Variants in FYN observed in about 807,000 individuals in gnomAD.
FYN encodes tyrosine-protein kinase Fyn.
FYN carries 10 observed loss-of-function variants against 70.2 expected under a neutral mutation model. The ratio of observed to expected loss-of-function variants is 0.14; its 90% confidence interval spans 0.09 to 0.24. FYN has a LOEUF of 0.24. FYN is among the 10% of genes least tolerant of loss of function. The pLI, the probability that FYN is intolerant of heterozygous loss-of-function variation, is 1.00. For synonymous variants in FYN, 236 were observed against 248.6 expected, an observed-to-expected ratio of 0.95 and a Z score of 0.48; for missense variants, 319 against 673.1, an observed-to-expected ratio of 0.47 and a Z score of 5.82.
At position 111,694,708 on chromosome 6, in the gene FYN, T is replaced by G. The variant is rs776429653; in HGVS notation, c.1043-4A>C. On this transcript the variant is annotated splice_region_variant and splice_polypyrimidine_tract_variant and intron_variant, in intron 10 of 13. Coordinates refer to ENST00000354650, the MANE Select transcript of FYN (RefSeq NM_002037.5). This position sits in a 1 kb window ranked among gnomAD's most constrained non-coding sequence, Gnocchi z 5.0. The stretch of plus-strand genomic sequence containing the variant: ...TTTAAGAAATCCAGTAAACTTCCTA[T>G]GAACAAAACATAAAATCATTTCAAT... The G allele has an allele frequency of 1.2e-6, 2 of 1,604,450 alleles. No homozygotes were observed. The highest frequency in any genetic ancestry group is 1.7e-5 in the Admixed American group (1 of 59,292).
In FYN at chr6:111,692,727, A is replaced by C. The variant is rs552255852; in HGVS notation, c.1273+1648T>G. On this transcript the variant is annotated intron_variant, in intron 12 of 13. Coordinates refer to ENST00000354650, the MANE Select transcript of FYN (RefSeq NM_002037.5). The stretch of plus-strand genomic sequence containing the variant: ...TTCCTTAATCAAATATTCATGTCTC[A>C]CAACCTTTGCCCACTCTCCTTCTGA... 7.9e-5 allele frequency among the ~76,000 whole-genome samples: 12 copies of C among 152,318 alleles called. No homozygotes were observed. The South Asian group carries it at 2.1e-3, about 26-fold the overall frequency.
At chr6:111,775,399 T>C (rs531405813) in intron 3 of FYN, among the ~76,000 whole-genome samples, 2 of 152,342 alleles carry the variant, frequency 1.3e-5, no homozygotes, top group African/African-American at 4.8e-5. Flanking sequence ...ACGAAAATGA[T>C]ACTTTTCTTA....
intron 1 of FYN, among the ~76,000 whole-genome samples, chr6:111,865,323 C>T (rs976762706): frequency 6.6e-6 from 1 of 152,180 alleles, no homozygotes; most frequent in African/African-American, 2.4e-5. Context: ...CGGAGGTGCA[C>T]AGCAGGCTGT....
intron 2 of FYN, among the ~76,000 whole-genome samples, chr6:111,786,048 T>A (rs980647887): frequency 1.3e-5 from 2 of 151,692 alleles, no homozygotes; most frequent in Non-Finnish European, 2.9e-5. Flanking sequence ...ACGTGCCACA[T>A]TCTTTTATTT....
intron 2 of FYN, among the ~76,000 whole-genome samples, chr6:111,795,746 G>C (rs1771784687): frequency 6.6e-6 from 1 of 152,154 alleles, no homozygotes. Context: ...TCTCATTTTA[G>C]TCCTCACAGT....
At chr6:111,668,215 C>A (rs1484985567) in intron 13 of FYN, among the ~76,000 whole-genome samples, 1 of 152,182 alleles carries the variant, frequency 6.6e-6, no homozygotes, top group Non-Finnish European at 1.5e-5. Context: ...TGGTTAATAA[C>A]CGTGACACTG....
intron 12 of FYN, among the ~76,000 whole-genome samples, chr6:111,685,264 T>C (rs1205075593): frequency 6.6e-6 from 1 of 152,244 alleles, no homozygotes; most frequent in Non-Finnish European, 1.5e-5. Context: ...CCCGTGTCAG[T>C]CTGACTTCAT....
At chr6:111,691,543 C>T (rs1469661325) in intron 12 of FYN, among the ~76,000 whole-genome samples, 1 of 152,186 alleles carries the variant, frequency 6.6e-6, no homozygotes, top group Non-Finnish European at 1.5e-5. Flanking sequence ...AACTTCAGCA[C>T]ACAGCACACA....
intron 1 of FYN, among the ~76,000 whole-genome samples, chr6:111,872,148 C>T (rs1415303691): frequency 6.6e-6 from 1 of 152,054 alleles, no homozygotes; most frequent in Non-Finnish European, 1.5e-5. Context: ...TTTATTATCC[C>T]TCTTCCCAGT....
intron 12 of FYN, among the ~76,000 whole-genome samples, chr6:111,687,131 T>C (rs1429014563): frequency 6.6e-6 from 1 of 152,234 alleles, no homozygotes; most frequent in Non-Finnish European, 1.5e-5. Context: ...TAACAAATCT[T>C]TCTAAAATAT....
chr6:111,871,826 T>G (rs1159024254), intron 1 of FYN, among the ~76,000 whole-genome samples: 1 of 152,142 alleles, frequency 6.6e-6, no homozygotes, highest in Non-Finnish European at 1.5e-5. Context: ...CCCTTAAATC[T>G]AAGAAACACT....
intron 1 of FYN, among the ~76,000 whole-genome samples, chr6:111,851,140 T>C (rs1175688246): frequency 6.6e-6 from 1 of 151,902 alleles, no homozygotes; most frequent in Admixed American, 6.5e-5. Flanking sequence ...CCCAGGGGCA[T>C]CTAGGGGAAG....
chr6:111,682,404 C>G (rs1200919459), intron 12 of FYN, among the ~76,000 whole-genome samples: 1 of 152,256 alleles, frequency 6.6e-6, no homozygotes, highest in Admixed American at 6.5e-5. Context: ...TGAAGTCCCT[C>G]TATCCCTAGT....
intron 3 of FYN, among the ~76,000 whole-genome samples, chr6:111,739,698 T>C (rs1801869216): frequency 6.6e-6 from 1 of 152,222 alleles, no homozygotes; most frequent in Non-Finnish European, 1.5e-5. Context: ...TACAAAGCCA[T>C]GATTAAGATG....
At chr6:111,733,728 T>C (rs1341952124) in intron 3 of FYN, among the ~76,000 whole-genome samples, 3 of 152,116 alleles carry the variant, frequency 2.0e-5, no homozygotes, top group Non-Finnish European at 4.4e-5. Flanking sequence ...GGCTGCTGAG[T>C]AGCCCCGTGG....
rs140761977 is a variant in FYN, at chr6:111,714,030, T to C, written c.344+317A>G. On this transcript the variant is annotated intron_variant, in intron 5 of 13. Coordinates refer to ENST00000354650, the MANE Select transcript of FYN (RefSeq NM_002037.5). ...GGCTTGTGCCAATCACTTGAAACTG[T>C]AGGTTTGTAGAAACACTCAGGGCTG... Among the ~76,000 whole-genome samples, 17 of 152,362 alleles carry C rather than the reference T, an allele frequency of 1.1e-4. No individual in the cohort carries two copies. In the East Asian group the frequency reaches 2.9e-3, roughly 26 times the overall value.
At chr6:111,744,705 T>C (rs1162692885) in intron 3 of FYN, among the ~76,000 whole-genome samples, 3 of 152,192 alleles carry the variant, frequency 2.0e-5, no homozygotes, top group African/African-American at 4.8e-5. Context: ...GTGGGAATGA[T>C]GATCCATCCC....
intron 2 of FYN, among the ~76,000 whole-genome samples, chr6:111,803,356 A>T (rs1281263128): frequency 1.3e-5 from 2 of 152,164 alleles, no homozygotes; most frequent in Non-Finnish European, 2.9e-5. Context: ...CTGTGGAAGT[A>T]AGGTTTTACC....
chr6:111,696,580 G>A, intron 9 of FYN, 124 bp from the exon 10 acceptor site: 1 of 703,986 alleles, frequency 1.4e-6, no homozygotes, highest in Non-Finnish European at 2.1e-6. Flanking sequence ...AGTTTTTGTT[G>A]AACAAAGACA....
Sources: gnomAD v4.1 joint callset for allele counts (sites outside exome capture counted in the v4.1 genomes callset) on GRCh38, gnomAD v4.1.1 for gene constraint, Gnocchi (gnomAD v3.1) non-coding constraint, MANE v1.5 for transcripts, NCBI Gene and HGNC (gene_info 2026-07-23, HGNC 2026-07-21) for gene names.